HERC6: variants seen among roughly 807,000 people sequenced by gnomAD.
The protein encoded by HERC6 is probable E3 ubiquitin-protein ligase HERC6.
A neutral mutation model predicts 114.5 loss-of-function variants in HERC6; 101 were observed. The observed-to-expected ratio is 0.88, with a 90% confidence interval of 0.75 to 1.04. The LOEUF (loss-of-function observed/expected upper bound fraction) is 1.04, where lower values mean the gene tolerates loss of function less well. Among genes scored for constraint, HERC6 ranks in the 50% least tolerant of loss-of-function variants. HERC6 has a pLI of 0.00. For missense variants in HERC6, 1,133 were observed against 1,230.9 expected (o/e 0.92, Z 1.19); for synonymous variants, 408 against 436.2 (o/e 0.94, Z 0.81).
chr4:88,399,204 C>T (rs1735410704), intron 8 of HERC6: 1 of 152,116 alleles, frequency 6.6e-6, no homozygotes, highest in Non-Finnish European at 1.5e-5. Context: ...AAATTAGAAA[C>T]ATAATAGACT....
At chr4:88,383,192 T>TG (rs747737859) in intron 1 of HERC6, 29 bp from the exon 2 acceptor site, 5 of 1,602,204 alleles carry the variant, frequency 3.1e-6, no homozygotes, top group Non-Finnish European at 4.3e-6. Flanking sequence ...CAGTGGTGGT[T>TG]GGGGGGTGTT....
At chr4:88,383,763 C>CGA (rs1734439399) in intron 2 of HERC6, among the ~76,000 whole-genome samples, 1 of 28,740 alleles carries the variant, frequency 3.5e-5, no homozygotes, top group Admixed American at 6.2e-4. Context: ...GACTCAGTCT[C>CGA]AAAAAAAAAA....
intron 12 of HERC6, among the ~76,000 whole-genome samples, chr4:88,414,190 G>C (rs1212575405): frequency 6.6e-6 from 1 of 152,054 alleles, no homozygotes; most frequent in Non-Finnish European, 1.5e-5. Context: ...AGGTACAGAG[G>C]GCCAGGCATT....
intron 18 of HERC6, 30 bp from the exon 19 acceptor site, chr4:88,436,875 T>C: frequency 6.6e-7 from 1 of 1,511,604 alleles, no homozygotes; most frequent in Non-Finnish European, 9.1e-7. Context: ...GATCAATAAA[T>C]ATAATTTTTA....
intron 20 of HERC6, among the ~76,000 whole-genome samples, chr4:88,439,372 GAGAAAGAAAGA>G (rs1227884278): frequency 3.4e-4 from 49 of 146,254 alleles, no homozygotes; most frequent in African/African-American, 1.3e-3. Context: ...AGAAAGGAAA[GAGAAAGAAAGA>G]AGAAAGAAAG....
At chr4:88,405,908 A>G (rs1735792054) in intron 10 of HERC6, among the ~76,000 whole-genome samples, 1 of 152,216 alleles carries the variant, frequency 6.6e-6, no homozygotes, top group Non-Finnish European at 1.5e-5. Flanking sequence ...GGATCGGCTA[A>G]ATCTCACATT....
intron 1 of HERC6, among the ~76,000 whole-genome samples, chr4:88,382,047 A>G (rs957854213): frequency 6.6e-6 from 1 of 152,176 alleles, no homozygotes; most frequent in East Asian, 1.9e-4. Flanking sequence ...GCAACATGAT[A>G]CTTAACCCCA....
At chr4:88,430,842 C>T (rs1738125539) in intron 16 of HERC6, among the ~76,000 whole-genome samples, 1 of 152,040 alleles carries the variant, frequency 6.6e-6, no homozygotes, top group Non-Finnish European at 1.5e-5. Context: ...ATTTAGGGGC[C>T]CACGGGTTTG....
In HERC6 at chr4:88,424,705, A is replaced by T. The variant is rs1560563982; in HGVS notation, c.1935+3A>T. On this transcript the variant is annotated splice_donor_region_variant and intron_variant, in intron 15 of 22. Transcript: ENST00000264346. ...CTGATTCACATATAAAGATGCAGGTATGTATGTCCTATTTTTTAGTATGAA... is the reference window on the plus strand; with the variant it reads ...CTGATTCACATATAAAGATGCAGGTTTGTATGTCCTATTTTTTAGTATGAA... 3 of 1,535,006 alleles carry T rather than the reference A, an allele frequency of 2.0e-6. No homozygotes were observed. The highest frequency in any genetic ancestry group is 2.7e-6 in the Non-Finnish European group (3 of 1,116,872).
chr4:88,403,749 G>A (rs1315183141), intron 8 of HERC6, among the ~76,000 whole-genome samples: 1 of 151,578 alleles, frequency 6.6e-6, no homozygotes, highest in African/African-American at 2.4e-5. Flanking sequence ...GCAAGACTCT[G>A]TCTCAAAAAT....
chr4:88,423,854 T>G lies in HERC6; in HGVS notation c.1714-6T>G. On this transcript the variant is annotated splice_region_variant and splice_polypyrimidine_tract_variant and intron_variant, in intron 13 of 22. Coordinates refer to ENST00000264346, the MANE Select transcript of HERC6 (RefSeq NM_017912.4). ...AATGAAATTCACAGGTCATATTCTC[T>G]TTAAGGTAAACAAAGCTAACTGTCG... The G allele has an allele frequency of 5.7e-6, 8 of 1,404,322 alleles. No individual in the cohort carries two copies. The highest frequency in any genetic ancestry group is 7.8e-6 in the Non-Finnish European group (8 of 1,029,194). The allele number at this position is 1,404,322 out of a possible 1,614,324, so 87.0% of individuals were successfully genotyped here.
chr4:88,423,646 G>A (rs1024203993), intron 13 of HERC6, among the ~76,000 whole-genome samples: 5 of 152,066 alleles, frequency 3.3e-5, no homozygotes, highest in East Asian at 1.9e-4. Context: ...CACTGTCAGC[G>A]TCTTATCTTT....
chr4:88,441,435 T>C (rs1462492738), intron 22 of HERC6, among the ~76,000 whole-genome samples: 1 of 152,158 alleles, frequency 6.6e-6, no homozygotes, highest in Non-Finnish European at 1.5e-5. Context: ...ATTTAGTAGC[T>C]TGCCCATGTT....
At position 88,393,565 on chromosome 4, in the gene HERC6, A is replaced by C. The variant is rs1735033518; in HGVS notation, c.742A>C (p.Thr248Pro). The change falls in exon 5 of 23, where the codon ACT (threonine) becomes CCT (proline). Residue 248 changes from threonine to proline, a missense_variant. Thr to Pro is a conservative substitution (Grantham distance 38). This residue lies in a region of HERC6 where 735 missense variants were observed against 754.0 expected (regional missense o/e 0.97). Coordinates refer to ENST00000264346, the MANE Select transcript of HERC6 (RefSeq NM_017912.4). ...VVYISCGDAH[T>P]AVLTQDGKVF... ...TTATATCAGCTGTGGTGATGCACACACTGCGGTGCTTACCCAGGTAATCCA... is the reference window on the plus strand; with the variant it reads ...TTATATCAGCTGTGGTGATGCACACCCTGCGGTGCTTACCCAGGTAATCCA... The C allele has an allele frequency of 1.9e-6, 3 of 1,610,170 alleles. No individual in the cohort carries two copies. The highest frequency in any genetic ancestry group is 2.5e-6 in the Non-Finnish European group (3 of 1,177,088).
intron 16 of HERC6, among the ~76,000 whole-genome samples, chr4:88,430,807 GACA>G: frequency 6.6e-6 from 1 of 152,202 alleles, no homozygotes; most frequent in African/African-American, 2.4e-5. Flanking sequence ...TGATGAGATG[GACA>G]ACAAGATAGA....
intron 3 of HERC6, 72 bp downstream of exon 3, chr4:88,385,647 T>C: frequency 2.8e-6 from 2 of 709,266 alleles, no homozygotes; most frequent in Non-Finnish European, 4.7e-6. Flanking sequence ...GCTGCTGATT[T>C]TTAATGCACT....
chr4:88,394,936 T>A (rs984003263), intron 5 of HERC6, among the ~76,000 whole-genome samples: 1 of 152,210 alleles, frequency 6.6e-6, no homozygotes, highest in African/African-American at 2.4e-5. Context: ...AATAATCCAC[T>A]TTACAGCCTA....
chr4:88,393,014 A>G (rs1271603611), intron 4 of HERC6, among the ~76,000 whole-genome samples: 1 of 152,208 alleles, frequency 6.6e-6, no homozygotes, highest in Non-Finnish European at 1.5e-5. Flanking sequence ...TTCATTCCCA[A>G]ATAAACTTGT....
chr4:88,409,591 A>G (rs1268183571), intron 11 of HERC6, among the ~76,000 whole-genome samples: 1 of 152,184 alleles, frequency 6.6e-6, no homozygotes, highest in East Asian at 1.9e-4. Context: ...TGATATAGGA[A>G]AAGAGCATTG....
Sources: gnomAD v4.1 joint callset for allele counts (sites outside exome capture counted in the v4.1 genomes callset) on GRCh38, gnomAD v4.1.1 for gene constraint, gnomAD v4.1.1 regional missense constraint, MANE v1.5 for transcripts, NCBI Gene and HGNC (gene_info 2026-07-23, HGNC 2026-07-21) for gene names.